Variants in DNAJC13 observed in about 807,000 individuals in gnomAD.
DNAJC13 encodes dnaJ homolog subfamily C member 13.
DNAJC13 carries 75 observed loss-of-function variants against 290.5 expected under a neutral mutation model. The observed-to-expected ratio is 0.26, with a 90% CI of 0.21 to 0.31. DNAJC13 has a LOEUF of 0.31. DNAJC13 is among the 10% of genes least tolerant of loss of function. DNAJC13 has a pLI of 1.00. For synonymous variants in DNAJC13, 862 were observed against 892.0 expected, an observed-to-expected ratio of 0.97 and a Z score of 0.60; for missense variants, 2,260 against 2,674.5, an observed-to-expected ratio of 0.85 and a Z score of 3.42.
intron 50 of DNAJC13, 133 bp from the exon 51 acceptor site, chr3:132,523,402 AAAAAT>A: frequency 8.0e-7 from 1 of 1,245,130 alleles, no homozygotes; most frequent in Non-Finnish European, 1.1e-6. Flanking sequence ...TTTATTAAGA[AAAAAT>A]AAAACTCATA....
At position 132,538,337 on chromosome 3, in the gene DNAJC13, C is replaced by A; in HGVS notation, c.*55C>A. 7.1e-7 allele frequency: 1 copy of A among 1,411,712 alleles called. No homozygotes were observed. The allele number at this position is 1,411,712 out of a possible 1,614,324, so 87.4% of individuals were successfully genotyped here. A position where few individuals can be genotyped will look rare whatever the true frequency, so the allele number is the denominator to read the frequency against. On this transcript the variant is annotated 3_prime_UTR_variant, in exon 56 of 56. Transcript: ENST00000260818. ...AGGCCAGTGCCAAGTCCACATTCCT[C>A]CAGCTGATACGTTGAAGCAAACTCT... is the stretch of plus-strand genomic sequence containing the variant.
At chr3:132,461,000 G>T in intron 14 of DNAJC13, 50 bp from the exon 15 acceptor site, 1 of 1,543,136 alleles carries the variant, frequency 6.5e-7, no homozygotes, top group African/African-American at 1.4e-5. Context: ...AAATTTAACT[G>T]AAGGTCCCCA....
chr3:132,519,355 C>G (rs983110539), intron 48 of DNAJC13, among the ~76,000 whole-genome samples: 1 of 152,040 alleles, frequency 6.6e-6, no homozygotes, highest in African/African-American at 2.4e-5. Flanking sequence ...TCTGCATTTC[C>G]CTGGTGGCTA....
At chr3:132,517,736 A>G (rs1452325029) in intron 48 of DNAJC13, among the ~76,000 whole-genome samples, 2 of 152,120 alleles carry the variant, frequency 1.3e-5, no homozygotes, top group Non-Finnish European at 2.9e-5. Context: ...CTTTGTACAC[A>G]TTGTGCCTCC....
chr3:132,427,134 T>TATATATATATA (rs34351441), intron 1 of DNAJC13, among the ~76,000 whole-genome samples: 1 of 115,194 alleles, frequency 8.7e-6, no homozygotes, highest in African/African-American at 4.3e-5. Context: ...TATATATATA[T>TATATATATATA]TTTTTTTTTT....
intron 29 of DNAJC13, among the ~76,000 whole-genome samples, chr3:132,486,787 A>G (rs1231157658): frequency 6.6e-6 from 1 of 152,176 alleles, no homozygotes; most frequent in East Asian, 1.9e-4. Flanking sequence ...CATTTTTACC[A>G]TCTGATAGAG....
At chr3:132,510,157 C>T (rs543260085) in intron 43 of DNAJC13, among the ~76,000 whole-genome samples, 2 of 152,134 alleles carry the variant, frequency 1.3e-5, no homozygotes, top group Admixed American at 6.5e-5. Flanking sequence ...CCTTCATGGA[C>T]GTACAAGGCC....
chr3:132,518,179 T>C (rs761399413), intron 48 of DNAJC13, among the ~76,000 whole-genome samples: 1 of 152,256 alleles, frequency 6.6e-6, no homozygotes, highest in Non-Finnish European at 1.5e-5. Context: ...AATAGTGTTT[T>C]AGACGCTTAA....
Position 132,526,185 on chromosome 3 carries a change from G to T in DNAJC13, c.6285G>T (p.Leu2095=). The change falls in exon 53 of 56, where the codon CTG becomes CTT. Residue 2095 remains leucine, a synonymous_variant. Transcript: ENST00000260818. ...AMASLETIGP[L]MNGMKKRADT... ...CATCTTTAGAGACCATTGGCCCACT[G>T]ATGAATGGAATGAAAAAGCGAGCAG... 6.2e-7 allele frequency: 1 copy of T among 1,614,120 alleles called. No homozygotes were observed. The highest frequency in any genetic ancestry group is 8.5e-7 in the Non-Finnish European group (1 of 1,180,000).
At chr3:132,443,408 C>T (rs1933136685) in intron 2 of DNAJC13, among the ~76,000 whole-genome samples, 1 of 152,196 alleles carries the variant, frequency 6.6e-6, no homozygotes, top group South Asian at 2.1e-4. Flanking sequence ...CTGCCTCGGC[C>T]TCCCAAAGTG....
In DNAJC13 at chr3:132,467,281, T is replaced by A; in HGVS notation, c.2176T>A (p.Trp726Arg). The A allele has an allele frequency of 1.2e-6, 2 of 1,613,970 alleles. No individual in the cohort carries two copies. The highest frequency in any genetic ancestry group is 8.5e-7 in the Non-Finnish European group (1 of 1,179,934). The change falls in exon 20 of 56, where the codon TGG becomes AGG. Residue 726 changes from tryptophan (W) to arginine (R), a missense_variant. Around this residue, in one of 3 missense-constraint regions of DNAJC13, gnomAD observed 762 missense variants for 964.1 expected, o/e 0.79. Coordinates refer to ENST00000260818, the MANE Select transcript of DNAJC13 (RefSeq NM_015268.4). ...AAAAGTGGATCTTGTATTGATGCACTGGAGGGATAGGATGGGCATTGCTCA... is the reference window on the plus strand; with the variant it reads ...AAAAGTGGATCTTGTATTGATGCACAGGAGGGATAGGATGGGCATTGCTCA... ...KEKVDLVLMH[W>R]RDRMGIAQKE...
chr3:132,492,294 G>A, intron 32 of DNAJC13, 120 bp from the exon 33 acceptor site: 2 of 1,096,822 alleles, frequency 1.8e-6, no homozygotes, highest in Non-Finnish European at 1.3e-6. Context: ...TCTCATTTTA[G>A]GATAATCATT....
At chr3:132,507,168 C>A in intron 42 of DNAJC13, 69 bp from the exon 43 acceptor site, 1 of 993,062 alleles carries the variant, frequency 1.0e-6, no homozygotes, top group Non-Finnish European at 1.6e-6. Flanking sequence ...AGTTATTTAT[C>A]TGTTAAGTTA....
chr3:132,511,236 A>G lies in DNAJC13; in HGVS notation c.5285A>G (p.Tyr1762Cys), dbSNP rs753863878. ...ALEALRNVIK[Y>C]NPGSESECIG... ...GAGGCTCTGAGAAATGTCATAAAAT[A>G]CAATCCAGGTATGTGACTACACCTT... The change falls in exon 44 of 56, where the codon TAC becomes TGC. Residue 1762 changes from tyrosine to cysteine, a missense_variant. This residue lies in a region of DNAJC13 where 1,494 missense variants were observed against 1,693.7 expected (regional missense o/e 0.88). Transcript: ENST00000260818. The G allele has an allele frequency of 3.1e-6, 5 of 1,613,800 alleles. No individual in the cohort carries two copies. The highest frequency in any genetic ancestry group is 2.7e-5 in the African/African-American group (2 of 74,914).
Position 132,516,428 on chromosome 3 carries a change from A to G in DNAJC13, c.5492A>G (p.Gln1831Arg), listed in dbSNP as rs1935921709. ...AATGTCTTTTACTCTGCAGGTCGTC[A>G]GCTTGTTCTGGAAACTCTTTATGCT... Reference protein sequence around the residue: ...ALLHSLPSSRQLVLETLYALT... With the variant: ...ALLHSLPSSRRLVLETLYALT... Residue 1831 changes from glutamine to arginine, a missense_variant, in exon 47 of 56, where the codon CAG (glutamine) becomes CGG (arginine). Physicochemically the swap from Gln to Arg is conservative, Grantham distance 43. Transcript: ENST00000260818. 1 of 1,613,744 alleles carries G rather than the reference A, an allele frequency of 6.2e-7. No homozygotes were observed. Among genetic ancestry groups the G allele is most frequent in the East Asian group, 2.2e-5 (1 of 44,862 alleles).
At chr3:132,472,545 G>C in intron 20 of DNAJC13, 2 of 985,000 alleles carry the variant, frequency 2.0e-6, no homozygotes, top group African/African-American at 3.5e-5. Flanking sequence ...TCCTTTTTAC[G>C]ATTAAATTCA....
chr3:132,499,901 C>A, intron 38 of DNAJC13, 93 bp downstream of exon 38: 1 of 1,164,046 alleles, frequency 8.6e-7, no homozygotes, highest in Non-Finnish European at 1.3e-6. Context: ...GCTCATTAAA[C>A]TGTAGGTTGC....
intron 4 of DNAJC13, 139 bp downstream of exon 4, chr3:132,447,609 A>G (rs774327588): frequency 8.8e-6 from 8 of 904,066 alleles, no homozygotes; most frequent in Non-Finnish European, 1.3e-5. Flanking sequence ...CTTTAACTTG[A>G]CCCTGTGAAA....
chr3:132,450,449 C>A (rs1933384389), intron 5 of DNAJC13, among the ~76,000 whole-genome samples, 198 bp from the exon 6 acceptor site: 1 of 152,016 alleles, frequency 6.6e-6, no homozygotes, highest in Non-Finnish European at 1.5e-5. Flanking sequence ...AATGTACTGT[C>A]TTCAGTTAGT....
Sources: allele counts gnomAD v4.1 joint callset (sites outside exome capture counted in the v4.1 genomes callset), GRCh38; gene constraint gnomAD v4.1.1; regional missense constraint gnomAD v4.1.1; transcripts MANE v1.5; gene names NCBI Gene and HGNC (gene_info 2026-07-23, HGNC 2026-07-21).